Variants in NXF1 observed in about 807,000 individuals in gnomAD.
NXF1 encodes nuclear RNA export factor 1, also known as mRNA export factor TAP.
NXF1 carries 43 observed loss-of-function variants against 92.4 expected under a neutral mutation model. The ratio of observed to expected loss-of-function variants is 0.47; its 90% CI spans 0.36 to 0.60. The LOEUF is 0.60. Among genes scored for constraint, NXF1 ranks in the 20% least tolerant of loss-of-function variants. The pLI, the probability that NXF1 is intolerant of heterozygous loss-of-function variation, is 0.00. For synonymous variants in NXF1, 288 were observed against 292.2 expected, an observed-to-expected ratio of 0.99 and a Z score of 0.15; for missense variants, 576 against 793.0, an observed-to-expected ratio of 0.73 and a Z score of 3.29.
chr11:62,799,211 C>G (rs2084453204), intron 10 of NXF1: 1 of 985,740 alleles, frequency 1.0e-6, no homozygotes, highest in Non-Finnish European at 1.2e-6. Context: ...AAAAAAGCAT[C>G]TAGAAAAATG....
chr11:62,796,626 C>T (rs1478562257), intron 13 of NXF1, 59 bp from the exon 14 acceptor site: 11 of 1,134,612 alleles, frequency 9.7e-6, no homozygotes, highest in African/African-American at 1.5e-5. Flanking sequence ...TACAAGGACC[C>T]AGTAGCTCCC....
At chr11:62,795,215 T>C (rs1388461826) in intron 17 of NXF1, 6 of 530,296 alleles carry the variant, frequency 1.1e-5, no homozygotes, top group Admixed American at 3.1e-5. Context: ...CAGTGTCTCA[T>C]GCGTATAATC....
At chr11:62,800,549 T>TA in intron 9 of NXF1, 63 bp from the exon 10 acceptor site, 1 of 1,090,456 alleles carries the variant, frequency 9.2e-7, no homozygotes, top group Non-Finnish European at 1.4e-6. Context: ...TGGCTCCCCA[T>TA]ACCCCCAGTC....
intron 13 of NXF1, 131 bp downstream of exon 13, chr11:62,797,052 A>G (rs2084428080): frequency 1.3e-6 from 1 of 778,692 alleles, no homozygotes; most frequent in East Asian, 2.7e-5. Context: ...TGGGTGACAC[A>G]GTGAGACACT....
intron 10 of NXF1, chr11:62,799,154 A>C (rs755082194): frequency 1.0e-6 from 1 of 984,638 alleles, no homozygotes; most frequent in Non-Finnish European, 1.2e-6. Context: ...GGAGACAGAC[A>C]GAAAAAGGAA....
rs1236863990 is a variant in NXF1 at position 62,803,445 on chromosome 11, T to C, written c.343A>G (p.Thr115Ala). ...RGGAGTSQDGTSKNWFKITIP... is the reference protein window; with the variant it reads ...RGGAGTSQDGASKNWFKITIP... ...GTAATCTTGAACCAGTTCTTTGAGGTCCCATCCTGGCTGGTGCCAGCCCCT... is the reference window on the plus strand; with the variant it reads ...GTAATCTTGAACCAGTTCTTTGAGGCCCCATCCTGGCTGGTGCCAGCCCCT... Residue 115 changes from threonine (T) to alanine (A), a missense_variant, in exon 3 of 21, where the codon ACC becomes GCC. Coordinates refer to ENST00000294172, the MANE Select transcript of NXF1 (RefSeq NM_006362.5). The C allele has an allele frequency of 1.2e-6, 2 of 1,613,932 alleles. No homozygotes were observed. Among genetic ancestry groups the C allele is most frequent in the Non-Finnish European group, 1.7e-6 (2 of 1,180,042 alleles).
chr11:62,798,830 C>A, intron 10 of NXF1: 2 of 1,300,930 alleles, frequency 1.5e-6, no homozygotes, highest in Non-Finnish European at 9.8e-7. Context: ...TACTCCAAGC[C>A]CAGGCTTTAA....
intron 17 of NXF1, 73 bp from the exon 18 acceptor site, chr11:62,795,080 G>A: frequency 7.3e-7 from 1 of 1,376,530 alleles, no homozygotes; most frequent in Non-Finnish European, 1.0e-6. Flanking sequence ...TTGAATCATG[G>A]TCTTTGATAT....
At chr11:62,805,194 G>T in intron 1 of NXF1, 135 bp downstream of exon 1, 2 of 738,708 alleles carry the variant, frequency 2.7e-6, no homozygotes, top group Non-Finnish European at 3.9e-6. Context: ...CACCTCGAGT[G>T]CCCGGCCCCC....
intron 10 of NXF1, chr11:62,799,603 G>GGTGAC: frequency 1.0e-6 from 1 of 985,812 alleles, no homozygotes; most frequent in Non-Finnish European, 1.2e-6. Context: ...GGCCAAACAG[G>GGTGAC]GTGACGTGCA....
At chr11:62,801,009 TCTCTTGC>T in intron 9 of NXF1, 78 bp downstream of exon 9, 9 of 1,002,702 alleles carry the variant, frequency 9.0e-6, no homozygotes, top group South Asian at 5.6e-5. Context: ...CTGAGTTCTC[TCTCTTGC>T]CTCTTGCCAT....
At chr11:62,800,127 G>A in intron 10 of NXF1, 2 of 1,357,874 alleles carry the variant, frequency 1.5e-6, no homozygotes, top group Non-Finnish European at 1.9e-6. Context: ...AAAAGGTTGT[G>A]TTCAGGAAGA....
chr11:62,802,284 G>A (rs1372545371), intron 3 of NXF1, 24 bp from the exon 4 acceptor site: 4 of 1,598,396 alleles, frequency 2.5e-6, no homozygotes, highest in African/African-American at 2.7e-5. Context: ...AAAGAGAAAA[G>A]AAGGGAATGA....
At chr11:62,798,444 AAAAAAAG>A in intron 11 of NXF1, 88 bp downstream of exon 11, 25 of 1,539,296 alleles carry the variant, frequency 1.6e-5, no homozygotes, top group Admixed American at 4.6e-5. Context: ...AATAAAAAAA[AAAAAAAG>A]AAAAAGAAAA....
chr11:62,800,136 G>GA, intron 10 of NXF1: 3 of 1,368,946 alleles, frequency 2.2e-6, no homozygotes, highest in Non-Finnish European at 2.8e-6. Context: ...TGTTCAGGAA[G>GA]AAAGAGAAAG....
At chr11:62,795,822 T>C in intron 17 of NXF1, 79 bp downstream of exon 17, 4 of 1,335,536 alleles carry the variant, frequency 3.0e-6, no homozygotes, top group Non-Finnish European at 4.3e-6. Context: ...AGAAAGTAGC[T>C]GGGAAGCTAA....
At position 62,801,211 on chromosome 11, in the gene NXF1, G is replaced by A. The variant is rs759175745; in HGVS notation, c.799-10C>T. ...AGTTCAAGGACAATAGCTGTGAGGA[G>A]AGAAGAGTTTAGAGGAGGCACCACC... On this transcript the variant is annotated splice_polypyrimidine_tract_variant and intron_variant, in intron 8 of 20. Coordinates refer to ENST00000294172, the MANE Select transcript of NXF1 (RefSeq NM_006362.5). 5 of 1,613,188 alleles carry A rather than the reference G, an allele frequency of 3.1e-6. No homozygotes were observed. The highest frequency in any genetic ancestry group is 1.6e-4 in the Middle Eastern group (1 of 6,080).
At chr11:62,800,337 G>A (rs370486689) in intron 10 of NXF1, 40 bp downstream of exon 10, 67 of 1,613,590 alleles carry the variant, frequency 4.2e-5, no homozygotes, top group Non-Finnish European at 5.4e-5. Flanking sequence ...CTCCCAGGGG[G>A]TGAAGGTCCC....
Position 62,803,919 on chromosome 11 carries a change from G to A in NXF1, c.88C>T (p.Arg30Trp), listed in dbSNP as rs772236957. 41 of 1,613,996 alleles carry A rather than the reference G, an allele frequency of 2.5e-5. No individual in the cohort carries two copies. Among genetic ancestry groups the A allele is most frequent in the Non-Finnish European group, 1.3e-5 (15 of 1,180,024 alleles). The part of the protein sequence containing the change: ...QRKKKGRGPF[R>W]WKYGEGNRRS... ...CGGTTTCCTTCACCATATTTCCACC[G>A]GAAGGGACCCCGGCCTTTCTTCTTT... Residue 30 changes from arginine (R) to tryptophan (W), a missense_variant, in exon 2 of 21, where the codon CGG becomes TGG. Arg to Trp is a moderately radical substitution (Grantham distance 101). This residue lies in a region of NXF1 where 151 missense variants were observed against 157.8 expected (regional missense o/e 0.96). Transcript: ENST00000294172.
Sources: gnomAD v4.1 joint callset for allele counts on GRCh38, gnomAD v4.1.1 for gene constraint, gnomAD v4.1.1 regional missense constraint, MANE v1.5 for transcripts, NCBI Gene and HGNC (gene_info 2026-07-23, HGNC 2026-07-21) for gene names.